LNX1: variants seen among roughly 807,000 people sequenced by gnomAD.
LNX1 encodes E3 ubiquitin-protein ligase LNX.
Under a neutral mutation model 68.4 loss-of-function variants are expected in LNX1, and 54 were observed. The ratio of observed to expected loss-of-function variants is 0.79; its 90% CI spans 0.63 to 0.99. LNX1 has a LOEUF of 0.99. Ranked by LOEUF, LNX1 falls within the 50% of genes least tolerant of loss-of-function variation. LNX1 has a pLI of 0.00. For missense variants in LNX1, 906 were observed against 926.4 expected (o/e 0.98, Z 0.29); for synonymous variants, 336 against 350.0 (o/e 0.96, Z 0.45).
chr4:53,481,957 G>T, intron 6 of LNX1, 103 bp from the exon 7 acceptor site: 1 of 1,339,064 alleles, frequency 7.5e-7, no homozygotes, highest in South Asian at 1.6e-5. Flanking sequence ...ATTTTTTTAT[G>T]GCAAAACATG....
At chr4:53,477,485 C>T (rs1314529280) in intron 8 of LNX1, among the ~76,000 whole-genome samples, 1 of 152,090 alleles carries the variant, frequency 6.6e-6, no homozygotes, top group African/African-American at 2.4e-5. Flanking sequence ...GAAAGAAAAA[C>T]ATTTTCATTG....
rs1734623545 is a variant in LNX1 at position 53,640,119 on chromosome 4, A to C, written c.-215+12049T>G. On this transcript the variant is annotated intron_variant, in intron 1 of 2. Transcript: ENST00000507168. The stretch of plus-strand genomic sequence containing the variant: ...TATGCCTGATGATCTGGAAGGAAAC[A>C]GAAAAATAGAATGACAGTGGTGGTG... 2.6e-5 allele frequency among the ~76,000 whole-genome samples: 4 copies of C among 152,252 alleles called. No individual in the cohort carries two copies. In the South Asian group the frequency reaches 8.3e-4, roughly 32 times the overall value.
At chr4:53,527,753 A>C (rs1727726569) in intron 2 of LNX1, among the ~76,000 whole-genome samples, 1 of 152,190 alleles carries the variant, frequency 6.6e-6, no homozygotes, top group Non-Finnish European at 1.5e-5. Flanking sequence ...AGTGAGCCTC[A>C]GCAGGGGAAA....
At chr4:53,481,684 C>A (rs1165387804) in intron 7 of LNX1, 36 bp downstream of exon 7, 1 of 1,599,024 alleles carries the variant, frequency 6.3e-7, no homozygotes, top group South Asian at 1.1e-5. Flanking sequence ...GAAATAGCCC[C>A]TTGCAGGAGC....
upstream of LNX1, among the ~76,000 whole-genome samples, chr4:53,618,076 T>A (rs1405637633): frequency 6.6e-6 from 1 of 152,202 alleles, no homozygotes; most frequent in Non-Finnish European, 1.5e-5. Context: ...CTGTGATTTT[T>A]AAAAGTGAAC....
rs141250443 is a variant in LNX1 at position 53,554,591 on chromosome 4, C to T, written c.380+19032G>A. On this transcript the variant is annotated intron_variant, in intron 2 of 10. Transcript: ENST00000263925. ...ATTCCTGGCTGGGCACAGTGGCTCA[C>T]GCCTGTAATCCCAGCACTTTGGGAG... Among the ~76,000 whole-genome samples the T allele has an allele frequency of 3.2e-3, 483 of 152,302 alleles. 12 individuals carry two copies. The East Asian group carries it at 0.043, about 13-fold the overall frequency.
At chr4:53,564,001 G>A (rs1021840174) in intron 2 of LNX1, among the ~76,000 whole-genome samples, 2 of 152,210 alleles carry the variant, frequency 1.3e-5, no homozygotes, top group Non-Finnish European at 2.9e-5. Context: ...ATGTGTTGAG[G>A]CCCACGCCTC....
intron 2 of LNX1, among the ~76,000 whole-genome samples, chr4:53,556,909 T>A (rs1729952254): frequency 6.6e-6 from 1 of 152,158 alleles, no homozygotes; most frequent in Non-Finnish European, 1.5e-5. Context: ...CTATTTAAAG[T>A]CTCTGTTTTC....
At chr4:53,481,372 G>C (rs1325860295) in intron 7 of LNX1, among the ~76,000 whole-genome samples, 2 of 152,168 alleles carry the variant, frequency 1.3e-5, no homozygotes, top group Non-Finnish European at 2.9e-5. Context: ...CCAGAAACCA[G>C]GCAAACTGCT....
Position 53,526,896 on chromosome 4 carries a change from G to A in LNX1, c.381-18669C>T, listed in dbSNP as rs188732339. Among the ~76,000 whole-genome samples, 83 of 151,966 alleles carry A rather than the reference G, an allele frequency of 5.5e-4. No homozygotes were observed. The Middle Eastern group carries it at 0.02, about 37-fold the overall frequency. On this transcript the variant is annotated intron_variant, in intron 2 of 10. Coordinates refer to ENST00000263925, the MANE Select transcript of LNX1 (RefSeq NM_001126328.3). ...GCAGCTGGCTCCACAGAAGGCTCAC[G>A]ATGTTTATAAAATTATAGAGCTAAT...
At position 53,498,812 on chromosome 4, in the gene LNX1, A is replaced by G. The variant is rs752763825; in HGVS notation, c.807T>C (p.Asp269=). 13 of 1,613,956 alleles carry G rather than the reference A, an allele frequency of 8.1e-6. No homozygotes were observed. The highest frequency in any genetic ancestry group is 1.1e-5 in the Non-Finnish European group (13 of 1,179,944). The part of the protein sequence containing the change: ...VFPRLYHLIP[D]GEITSIKINR... ...TGATCTTGATGCTGGTAATTTCACC[A>G]TCTGGAATCAGGTGGTACAACCTTG... The change falls in exon 5 of 11, where the codon GAT becomes GAC. Residue 269 remains aspartate (D), a synonymous_variant. Coordinates refer to ENST00000263925, the MANE Select transcript of LNX1 (RefSeq NM_001126328.3).
chr4:53,469,023 T>A (rs1334771975), intron 9 of LNX1, among the ~76,000 whole-genome samples: 5 of 152,136 alleles, frequency 3.3e-5, no homozygotes, highest in African/African-American at 4.8e-5. Flanking sequence ...CCACCCTAAA[T>A]CAACAGAATA....
intron 9 of LNX1, among the ~76,000 whole-genome samples, chr4:53,467,096 T>C (rs1329922566): frequency 6.6e-6 from 1 of 152,020 alleles, no homozygotes; most frequent in African/African-American, 2.4e-5. Context: ...CACCCCCCAG[T>C]AGGGGCGGAC....
At position 53,505,265 on chromosome 4, in the gene LNX1, C is replaced by CTT. The variant is rs556353878; in HGVS notation, c.775+2050_775+2051dup. ...TGCAAATAAATCTTTTTCAAGATAA[C>CTT]TTTTTTTTTTTTTGAGATGGAGTCA... is the stretch of plus-strand genomic sequence containing the variant. On this transcript the variant is annotated intron_variant, in intron 4 of 10. Transcript: ENST00000263925. Among the ~76,000 whole-genome samples the CTT allele has an allele frequency of 4.3e-3, 641 of 147,600 alleles. 6 individuals carry two copies. Among genetic ancestry groups the CTT allele is most frequent in the African/African-American group, 0.014 (562 of 40,196 alleles).
At chr4:53,645,767 A>T (rs1734861922) in intron 1 of LNX1, among the ~76,000 whole-genome samples, 1 of 152,174 alleles carries the variant, frequency 6.6e-6, no homozygotes, top group Non-Finnish European at 1.5e-5. Flanking sequence ...CACTAGAAAA[A>T]AATATCAGGC....
chr4:53,591,931 C>A (rs1457886917), upstream of LNX1, among the ~76,000 whole-genome samples: 2 of 152,022 alleles, frequency 1.3e-5, no homozygotes, highest in South Asian at 4.2e-4. Flanking sequence ...ATCTGAGGTG[C>A]CTTTTCGAAC....
chr4:53,460,550 A>G lies in LNX1; in HGVS notation c.*357T>C, dbSNP rs920973331. Reference sequence around the variant, plus strand: ...TTTTAGCTGTAAATTAAAAATGGCCATAATGTACCCTTGGCAGACTTCAGC... The same window carrying G: ...TTTTAGCTGTAAATTAAAAATGGCCGTAATGTACCCTTGGCAGACTTCAGC... On this transcript the variant is annotated 3_prime_UTR_variant, in exon 11 of 11. Coordinates refer to ENST00000263925, the MANE Select transcript of LNX1 (RefSeq NM_001126328.3). 2 of 218,488 alleles carry G rather than the reference A, an allele frequency of 9.2e-6. No individual in the cohort carries two copies. The highest frequency in any genetic ancestry group is 1.8e-5 in the Non-Finnish European group (2 of 109,800). The allele number at this position is 218,488 out of a possible 1,614,324, so 13.5% of individuals were successfully genotyped here.
intron 2 of LNX1, among the ~76,000 whole-genome samples, chr4:53,565,126 C>G (rs1311721116): frequency 2.6e-5 from 4 of 152,028 alleles, no homozygotes; most frequent in Non-Finnish European, 5.9e-5. Context: ...CCTGGAAGCT[C>G]GAACTGGGTG....
chr4:53,541,539 T>C (rs1728766301), intron 2 of LNX1, among the ~76,000 whole-genome samples: 1 of 151,810 alleles, frequency 6.6e-6, no homozygotes, highest in African/African-American at 2.4e-5. Context: ...TAACCATTTA[T>C]ATCAAATGGA....
Sources: allele counts gnomAD v4.1 joint callset (sites outside exome capture counted in the v4.1 genomes callset), GRCh38; gene constraint gnomAD v4.1.1; transcripts MANE v1.5; gene names NCBI Gene and HGNC (gene_info 2026-07-23, HGNC 2026-07-21).